The following SOX6 variants were observed in gnomAD, a reference collection of about 807,000 sequenced individuals.
The protein encoded by SOX6 is transcription factor SOX-6.
SOX6 carries 11 observed loss-of-function variants against 97.8 expected under a neutral mutation model. The ratio of observed to expected loss-of-function variants is 0.11; its 90% confidence interval spans 0.07 to 0.19. The LOEUF (loss-of-function observed/expected upper bound fraction) is 0.19, where lower values mean the gene tolerates loss of function less well. Among genes scored for constraint, SOX6 ranks in the 10% least tolerant of loss-of-function variants. SOX6 has a pLI of 1.00. For synonymous variants in SOX6, 360 were observed against 371.4 expected (o/e 0.97, Z 0.35); for missense variants, 810 against 1,039.5 (o/e 0.78, Z 3.04).
At chr11:16,299,067 T>A (rs1565077248) in intron 3 of SOX6, among the ~76,000 whole-genome samples, 2 of 152,294 alleles carry the variant, frequency 1.3e-5, no homozygotes, top group South Asian at 2.1e-4. Flanking sequence ...AATTTCAAAG[T>A]TAATTAACAC....
At chr11:16,447,342 A>C (rs1859631694) in intron 1 of SOX6, among the ~76,000 whole-genome samples, 3 of 152,060 alleles carry the variant, frequency 2.0e-5, no homozygotes, top group South Asian at 2.1e-4. Flanking sequence ...TTGTGCTACC[A>C]CTCTGAGCCC....
At chr11:16,514,131 G>T (rs958480089) in intron 4 of SOX6, among the ~76,000 whole-genome samples, 1 of 149,278 alleles carries the variant, frequency 6.7e-6, no homozygotes, top group Non-Finnish European at 1.5e-5. Flanking sequence ...TGAGAGAATC[G>T]CTTCAGCCCA....
intron 13 of SOX6, among the ~76,000 whole-genome samples, chr11:15,989,858 T>A (rs1285354703): frequency 6.6e-6 from 1 of 152,000 alleles, no homozygotes. Flanking sequence ...CAGTTCAGAG[T>A]AAGGACAGAC....
chr11:16,043,434 T>A (rs982267978), intron 12 of SOX6, among the ~76,000 whole-genome samples: 1 of 152,124 alleles, frequency 6.6e-6, no homozygotes, highest in African/African-American at 2.4e-5. Context: ...AAATACCCCG[T>A]GACACATCGA....
intron 6 of SOX6, among the ~76,000 whole-genome samples, chr11:16,176,004 C>T (rs1297206773): frequency 1.3e-5 from 2 of 151,548 alleles, no homozygotes; most frequent in Non-Finnish European, 2.9e-5. Context: ...TATTTTAACT[C>T]ATCATGAACT....
chr11:16,682,851 C>A (rs976100864), intron 3 of SOX6, among the ~76,000 whole-genome samples: 3 of 152,188 alleles, frequency 2.0e-5, no homozygotes, highest in African/African-American at 7.2e-5. Flanking sequence ...ATCATCTCCG[C>A]CCAAAATCTC....
chr11:16,010,276 C>T (rs1854680353), intron 13 of SOX6, among the ~76,000 whole-genome samples: 1 of 151,494 alleles, frequency 6.6e-6, no homozygotes, highest in Admixed American at 6.6e-5. Context: ...AGCAATAGTC[C>T]CAAAAGAGGG....
chr11:16,603,698 C>G (rs1002720493), intron 4 of SOX6, among the ~76,000 whole-genome samples: 12 of 152,160 alleles, frequency 7.9e-5, no homozygotes, highest in South Asian at 4.1e-4. Context: ...GGTATGTTGC[C>G]AGATTTTCTC....
At chr11:16,623,869 T>A (rs1848583103) in intron 3 of SOX6, among the ~76,000 whole-genome samples, 1 of 152,196 alleles carries the variant, frequency 6.6e-6, no homozygotes, top group African/African-American at 2.4e-5. Context: ...TTCTTGCCTT[T>A]GTGTTCTGAT....
intron 3 of SOX6, among the ~76,000 whole-genome samples, chr11:16,261,276 G>T (rs918225399): frequency 6.6e-6 from 1 of 152,118 alleles, no homozygotes; most frequent in African/African-American, 2.4e-5. Flanking sequence ...TGGAATCAAT[G>T]AAAATAAATG....
chr11:16,402,654 C>G, intron 1 of SOX6: 1 of 1,610,652 alleles, frequency 6.2e-7, no homozygotes, highest in Admixed American at 1.7e-5. Flanking sequence ...TACAAACTCT[C>G]TTACCCCATT....
intron 4 of SOX6, among the ~76,000 whole-genome samples, chr11:16,188,588 C>T (rs955395617): frequency 1.3e-5 from 2 of 152,060 alleles, no homozygotes; most frequent in Non-Finnish European, 2.9e-5. Flanking sequence ...TTAATATATA[C>T]AGGAATGAGA....
At chr11:16,460,162 C>G (rs1859893991) in intron 1 of SOX6, among the ~76,000 whole-genome samples, 1 of 151,884 alleles carries the variant, frequency 6.6e-6, no homozygotes, top group South Asian at 2.1e-4. Flanking sequence ...ATAAATCAAT[C>G]AGTATATTTA....
intron 2 of SOX6, among the ~76,000 whole-genome samples, chr11:16,340,312 G>T (rs1368199738): frequency 6.7e-6 from 1 of 150,018 alleles, no homozygotes; most frequent in Non-Finnish European, 1.5e-5. Flanking sequence ...TCTTCTAGAT[G>T]CTAAAAAAAT....
At chr11:16,291,761 T>C (rs981492414) in intron 3 of SOX6, among the ~76,000 whole-genome samples, 3 of 152,144 alleles carry the variant, frequency 2.0e-5, no homozygotes, top group African/African-American at 7.2e-5. Flanking sequence ...AGGAGAATTA[T>C]AACACATATG....
intron 9 of SOX6, among the ~76,000 whole-genome samples, chr11:16,093,408 T>TGCTA (rs1260904370): frequency 6.6e-6 from 1 of 151,734 alleles, no homozygotes; most frequent in Non-Finnish European, 1.5e-5. Flanking sequence ...TAATGGCATA[T>TGCTA]GCTAATATAA....
intron 3 of SOX6, among the ~76,000 whole-genome samples, chr11:16,237,494 A>T (rs1853059426): frequency 6.6e-6 from 1 of 152,106 alleles, no homozygotes; most frequent in Non-Finnish European, 1.5e-5. Flanking sequence ...CCTCAACTAC[A>T]TTAATGGGAC....
chr11:16,444,759 T>C (rs1859580717), intron 1 of SOX6, among the ~76,000 whole-genome samples: 1 of 150,272 alleles, frequency 6.7e-6, no homozygotes, highest in South Asian at 2.1e-4. Flanking sequence ...TAATAAGAGG[T>C]TAAAGAGAGA....
At chr11:16,343,786 C>G (rs1330398338) in intron 1 of SOX6, among the ~76,000 whole-genome samples, 1 of 151,936 alleles carries the variant, frequency 6.6e-6, no homozygotes, top group Admixed American at 6.6e-5. Flanking sequence ...CATCAACAGT[C>G]TTCTGGTGAT....
Sources: allele counts gnomAD v4.1 joint callset (sites outside exome capture counted in the v4.1 genomes callset), GRCh38; gene constraint gnomAD v4.1.1; transcripts MANE v1.5; gene names NCBI Gene and HGNC (gene_info 2026-07-23, HGNC 2026-07-21).